LONP2: variants seen among roughly 807,000 people sequenced by gnomAD.
The protein encoded by LONP2 is lon peptidase 2, peroxisomal.
Under a neutral mutation model 85.6 loss-of-function variants are expected in LONP2, and 60 were observed. The ratio of observed to expected loss-of-function variants is 0.70; its 90% CI spans 0.57 to 0.87. The LOEUF is 0.87. Among genes scored for constraint, LONP2 ranks in the 40% least tolerant of loss-of-function variants. The probability of loss-of-function intolerance (pLI) is 0.00; values close to 1 mark genes in which losing one functional copy is unlikely to be tolerated. For synonymous variants in LONP2, 395 were observed against 389.7 expected, an observed-to-expected ratio of 1.01 and a Z score of -0.16; for missense variants, 860 against 1,063.5, an observed-to-expected ratio of 0.81 and a Z score of 2.66.
chr16:48,342,788 T>C (rs1959853195), intron 12 of LONP2, among the ~76,000 whole-genome samples: 1 of 152,234 alleles, frequency 6.6e-6, no homozygotes, highest in Non-Finnish European at 1.5e-5. Flanking sequence ...GATGGATCGC[T>C]TCTGTGGTGA....
In LONP2 at chr16:48,256,625, G is replaced by C. The variant is rs1190112812; in HGVS notation, c.484G>C (p.Asp162His). Residue 162 changes from aspartate to histidine, a missense_variant, in exon 3 of 15, where the codon GAT (aspartate) becomes CAT (histidine). By Grantham distance (81) the Asp-to-His change is moderately conservative. This residue lies in a region of LONP2 where 743 missense variants were observed against 917.3 expected (regional missense o/e 0.81). Coordinates refer to ENST00000285737, the MANE Select transcript of LONP2 (RefSeq NM_031490.5). ...KYAVQLVEML[D>H]MSVPAVAKLR... Reference sequence around the variant, plus strand: ...CCCCTTCTAGTTGGTTGAAATGTTGGATATGTCTGTCCCTGCAGTTGCTAA... The same window carrying C: ...CCCCTTCTAGTTGGTTGAAATGTTGCATATGTCTGTCCCTGCAGTTGCTAA... 1.2e-6 allele frequency: 2 copies of C among 1,613,218 alleles called. No individual in the cohort carries two copies. The highest frequency in any genetic ancestry group is 1.7e-6 in the Non-Finnish European group (2 of 1,179,714).
chr16:48,296,781 A>G (rs568415340), intron 9 of LONP2, among the ~76,000 whole-genome samples: 15 of 151,358 alleles, frequency 9.9e-5, no homozygotes, highest in Non-Finnish European at 1.9e-4. Context: ...CCTCACTTTT[A>G]TATTAAAGTG....
chr16:48,341,607 A>G (rs1245309564), intron 12 of LONP2, among the ~76,000 whole-genome samples: 1 of 152,216 alleles, frequency 6.6e-6, no homozygotes, highest in Admixed American at 6.5e-5. Context: ...TTATAGTTCA[A>G]CATGAGATTT....
intron 2 of LONP2, among the ~76,000 whole-genome samples, chr16:48,256,082 A>G (rs969849039): frequency 6.6e-6 from 1 of 152,216 alleles, no homozygotes; most frequent in Non-Finnish European, 1.5e-5. Context: ...ATTATGTAAG[A>G]GAATATTCTT....
At chr16:48,338,077 G>T (rs1959706295) in intron 12 of LONP2, among the ~76,000 whole-genome samples, 1 of 152,152 alleles carries the variant, frequency 6.6e-6, no homozygotes, top group African/African-American at 2.4e-5. Flanking sequence ...CAAAGTGCTG[G>T]AATTATAGGC....
chr16:48,256,773 T>C (rs755298623), intron 3 of LONP2, 32 bp downstream of exon 3: 2 of 1,605,054 alleles, frequency 1.2e-6, no homozygotes, highest in Non-Finnish European at 1.7e-6. Flanking sequence ...GCCAGGTTGC[T>C]TTGTCACTTT....
At chr16:48,300,597 T>C (rs1972783357) in intron 10 of LONP2, among the ~76,000 whole-genome samples, 1 of 152,256 alleles carries the variant, frequency 6.6e-6, no homozygotes, top group African/African-American at 2.4e-5. Context: ...AGTATCTCTC[T>C]ATTTTGAACT....
At chr16:48,337,243 T>C (rs1028724179) in intron 12 of LONP2, among the ~76,000 whole-genome samples, 1 of 152,234 alleles carries the variant, frequency 6.6e-6, no homozygotes, top group Admixed American at 6.5e-5. Flanking sequence ...TTCCTGCCCT[T>C]GTCTGCTAGA....
rs567114185 is a variant in LONP2, at chr16:48,347,639, G to C, written c.2071G>C (p.Asp691His). Residue 691 changes from aspartate to histidine, a missense_variant, in exon 13 of 15, where the codon GAC (aspartate) becomes CAC (histidine). Asp to His is a moderately conservative substitution (Grantham distance 81, BLOSUM62 -1). Around this residue, in one of 3 missense-constraint regions of LONP2, gnomAD observed 743 missense variants for 917.3 expected, o/e 0.81. Transcript: ENST00000285737. ...GTTAACTCTGACCGGCCAGCTCGGG[G>C]ACGTGATGAAGGAGTCCGCCCACCT... ...GQLTLTGQLG[D>H]VMKESAHLAI... 1.2e-6 allele frequency: 2 copies of C among 1,614,256 alleles called. No individual in the cohort carries two copies. Among genetic ancestry groups the C allele is most frequent in the Non-Finnish European group, 1.7e-6 (2 of 1,180,038 alleles).
intron 9 of LONP2, among the ~76,000 whole-genome samples, chr16:48,297,785 T>C (rs573250139): frequency 3.9e-4 from 60 of 152,076 alleles, no homozygotes; most frequent in Admixed American, 3.7e-3. Context: ...CTGCAACCTC[T>C]ATGTCCCAGG....
In LONP2 at chr16:48,354,332, C is replaced by T. The variant is rs1960258916; in HGVS notation, c.*2530C>T. 1 of 150,478 alleles carries T rather than the reference C, an allele frequency of 6.6e-6. No homozygotes were observed. The highest frequency in any genetic ancestry group is 2.5e-5 in the African/African-American group (1 of 40,620). The allele number at this position is 150,478 out of a possible 1,614,324, so 9.3% of individuals were successfully genotyped here. A position where few individuals can be genotyped will look rare whatever the true frequency, so the allele number is the denominator to read the frequency against. The stretch of plus-strand genomic sequence containing the variant: ...AAGCAATTCTCATGCCTCAGCCTCC[C>T]AAGTAGCTGGGACCACAGGTGTGTG... On this transcript the variant is annotated 3_prime_UTR_variant, in exon 15 of 15. Coordinates refer to ENST00000285737, the MANE Select transcript of LONP2 (RefSeq NM_031490.5).
intron 2 of LONP2, among the ~76,000 whole-genome samples, chr16:48,254,573 C>T (rs1434931036): frequency 1.3e-5 from 2 of 151,536 alleles, no homozygotes; most frequent in Non-Finnish European, 2.9e-5. Flanking sequence ...CCATGTTGGC[C>T]AGGCTGGTCT....
chr16:48,337,659 G>A (rs1167715206), intron 12 of LONP2, among the ~76,000 whole-genome samples: 1 of 152,182 alleles, frequency 6.6e-6, no homozygotes, highest in Non-Finnish European at 1.5e-5. Flanking sequence ...GTGGACCTGA[G>A]CAGGGCGTCT....
At chr16:48,264,891 G>A (rs1351370778) in intron 6 of LONP2, among the ~76,000 whole-genome samples, 4 of 152,200 alleles carry the variant, frequency 2.6e-5, no homozygotes, top group African/African-American at 7.2e-5. Context: ...TTTACATTCC[G>A]AACAACAGTG....
At chr16:48,301,723 A>ACTC (rs945244036) in intron 10 of LONP2, among the ~76,000 whole-genome samples, 2 of 151,756 alleles carry the variant, frequency 1.3e-5, no homozygotes, top group African/African-American at 4.8e-5. Context: ...TTACAAAGAT[A>ACTC]CTCTTTCTAT....
intron 14 of LONP2, 131 bp from the exon 15 acceptor site, chr16:48,351,450 A>G (rs1344300095): frequency 1.1e-5 from 8 of 702,008 alleles, no homozygotes; most frequent in East Asian, 1.1e-4. Context: ...AGCTCATGCT[A>G]TAACAAAACG....
chr16:48,338,977 A>G (rs987343015), intron 12 of LONP2, among the ~76,000 whole-genome samples: 6 of 152,188 alleles, frequency 3.9e-5, no homozygotes, highest in East Asian at 3.8e-4. Flanking sequence ...ATTCAGATCT[A>G]TTGCTCAGAG....
rs1960319633 is a variant in LONP2 at position 48,355,688 on chromosome 16, A to ATAAT, written c.*3887_*3890dup. The ATAAT allele has an allele frequency of 6.6e-6, 1 of 152,154 alleles. No individual in the cohort carries two copies. The highest frequency in any genetic ancestry group is 2.4e-5 in the African/African-American group (1 of 41,432). The allele number at this position is 152,154 out of a possible 1,614,324, so 9.4% of individuals were successfully genotyped here. ...CCAGCACTCATTTTCTGGGTTTTTT[A>ATAAT]TAATAGCCCTCCAAATGGGTGTGAC... On this transcript the variant is annotated 3_prime_UTR_variant, in exon 15 of 15. Coordinates refer to ENST00000285737, the MANE Select transcript of LONP2 (RefSeq NM_031490.5).
intron 13 of LONP2, among the ~76,000 whole-genome samples, 177 bp from the exon 14 acceptor site, chr16:48,347,923 C>T (rs895587928): frequency 3.9e-5 from 6 of 152,190 alleles, no homozygotes; most frequent in Non-Finnish European, 2.9e-5. Context: ...TGTTTTAATA[C>T]GACTTAGAGT....
Sources: gnomAD v4.1 joint callset for allele counts (sites outside exome capture counted in the v4.1 genomes callset) on GRCh38, gnomAD v4.1.1 for gene constraint, gnomAD v4.1.1 regional missense constraint, MANE v1.5 for transcripts, NCBI Gene and HGNC (gene_info 2026-07-23, HGNC 2026-07-21) for gene names.